Variants in CSRNP3 observed in about 807,000 individuals in gnomAD.
CSRNP3 encodes the protein cysteine and serine rich nuclear protein 3, also known as cysteine/serine-rich nuclear protein 3.
Under a neutral mutation model 48.0 loss-of-function variants are expected in CSRNP3, and 12 were observed. That is an observed-to-expected ratio of 0.25 (90% confidence interval 0.16 to 0.41). The LOEUF is 0.41. Ranked by LOEUF, CSRNP3 falls within the 10% of genes least tolerant of loss-of-function variation. The pLI, the probability that CSRNP3 is intolerant of heterozygous loss-of-function variation, is 1.00. For synonymous variants in CSRNP3, 263 were observed against 269.7 expected, an observed-to-expected ratio of 0.98 and a Z score of 0.24; for missense variants, 580 against 724.4, an observed-to-expected ratio of 0.80 and a Z score of 2.29.
intron 1 of CSRNP3, 25 bp downstream of exon 1, chr2:165,469,765 GAAAAGAGAATTCTTTTTTTCTTT>G (rs1355613506): frequency 5.6e-4 from 86 of 152,464 alleles, no homozygotes; most frequent in African/African-American, 1.9e-3. Flanking sequence ...TAAAAAAAAA[GAAAAGAGAATTCTTTTTTTCTTT>G]AAAAGAGAAT....
At chr2:165,616,230 GT>G (rs1327969801) in intron 4 of CSRNP3, among the ~76,000 whole-genome samples, 1 of 152,012 alleles carries the variant, frequency 6.6e-6, no homozygotes, top group African/African-American at 2.4e-5. Flanking sequence ...GTTTTTGATT[GT>G]TTTGTGTATA....
At chr2:165,642,280 A>G (rs1487992325) in intron 4 of CSRNP3, among the ~76,000 whole-genome samples, 1 of 152,188 alleles carries the variant, frequency 6.6e-6, no homozygotes, top group African/African-American at 2.4e-5. Context: ...AGATGCTTGC[A>G]AAGGGAAATA....
rs767603479 is a variant in CSRNP3 at position 165,679,271 on chromosome 2, G to C, written c.1276G>C (p.Ala426Pro). The change falls in exon 7 of 7, where the codon GCT becomes CCT. Residue 426 changes from alanine to proline, a missense_variant. Transcript: ENST00000651982. ...TAVHESHAKN[A>P]SFYANSSTLY... is the part of the protein sequence containing the mutation. ...CGTTCACGAAAGCCATGCAAAGAAT[G>C]CTTCTTTTTATGCCAACTCTTCAAC... 3 of 1,613,884 alleles carry C rather than the reference G, an allele frequency of 1.9e-6. No homozygotes were observed. The Admixed American group carries it at 5.0e-5, about 27-fold the overall frequency.
At chr2:165,636,359 T>G (rs1573934771) in intron 4 of CSRNP3, among the ~76,000 whole-genome samples, 2 of 152,346 alleles carry the variant, frequency 1.3e-5, no homozygotes, top group Admixed American at 1.3e-4. Flanking sequence ...ATAGATAAGA[T>G]TCTCTTTGAG....
At chr2:165,548,678 A>G (rs1321390490) in intron 3 of CSRNP3, among the ~76,000 whole-genome samples, 1 of 152,046 alleles carries the variant, frequency 6.6e-6, no homozygotes, top group Non-Finnish European at 1.5e-5. Context: ...GGAAATCATT[A>G]TGTCCTAAAA....
intron 1 of CSRNP3, among the ~76,000 whole-genome samples, chr2:165,484,673 A>G (rs1252152557): frequency 6.6e-6 from 1 of 152,152 alleles, no homozygotes; most frequent in East Asian, 1.9e-4. Flanking sequence ...GTTCATAATA[A>G]CTGTCTTTTC....
chr2:165,472,972 G>A (rs1683913840), intron 1 of CSRNP3, among the ~76,000 whole-genome samples: 1 of 152,098 alleles, frequency 6.6e-6, no homozygotes, highest in South Asian at 2.1e-4. Flanking sequence ...AAGCACTTCA[G>A]TGACAGCACT....
chr2:165,487,254 A>G (rs1360489523), intron 1 of CSRNP3, among the ~76,000 whole-genome samples: 1 of 145,512 alleles, frequency 6.9e-6, no homozygotes, highest in Non-Finnish European at 1.5e-5. Flanking sequence ...AAAAAAGAAT[A>G]AAAAGAAAGG....
Position 165,674,608 on chromosome 2 carries a change from CAT to C in CSRNP3, c.409-1690_409-1689del, listed in dbSNP as rs200779869. Among the ~76,000 whole-genome samples, 299 of 135,474 alleles carry C rather than the reference CAT, an allele frequency of 2.2e-3. 1 individual carries two copies. In the East Asian group the frequency reaches 0.026, roughly 12 times the overall value. The allele number at this position is 135,474 out of a possible 152,430, so 88.9% of individuals were successfully genotyped here. On this transcript the variant is annotated intron_variant, in intron 5 of 6. Coordinates refer to ENST00000651982, the MANE Select transcript of CSRNP3 (RefSeq NM_001172173.2). Reference sequence around the variant, plus strand: ...ATGATCACAGATTTTAACTCTGAAACATATATATATATATAAATAAAATATAT... The same window carrying C: ...ATGATCACAGATTTTAACTCTGAAACATATATATATATAAATAAAATATAT...
intron 1 of CSRNP3, among the ~76,000 whole-genome samples, chr2:165,477,473 A>T (rs1468992406): frequency 8.1e-6 from 1 of 123,750 alleles, no homozygotes; most frequent in Non-Finnish European, 1.7e-5. Flanking sequence ...ACAAATATAT[A>T]TATATATGAA....
chr2:165,485,431 T>C (rs1187060467), intron 1 of CSRNP3, among the ~76,000 whole-genome samples: 2 of 152,322 alleles, frequency 1.3e-5, no homozygotes, highest in East Asian at 3.9e-4. Context: ...AAATCAACAA[T>C]AGCTTTCAGT....
At chr2:165,552,556 C>G (rs1037663036) in intron 3 of CSRNP3, among the ~76,000 whole-genome samples, 1 of 152,064 alleles carries the variant, frequency 6.6e-6, no homozygotes, top group Non-Finnish European at 1.5e-5. Context: ...TAATCCTCAC[C>G]AACCTAAAAG....
chr2:165,605,950 C>A (rs1370357579), intron 4 of CSRNP3, among the ~76,000 whole-genome samples: 1 of 152,022 alleles, frequency 6.6e-6, no homozygotes, highest in Non-Finnish European at 1.5e-5. Context: ...ATCAGAACCA[C>A]ATTTAAATGG....
At position 165,558,686 on chromosome 2, in the gene CSRNP3, C is replaced by A. The variant is rs549837673; in HGVS notation, c.-23-36357C>A. 3.4e-4 allele frequency among the ~76,000 whole-genome samples: 52 copies of A among 152,078 alleles called. 2 individuals are homozygous for A. The highest frequency in any genetic ancestry group is 1.2e-3 in the African/African-American group (50 of 41,484). On this transcript the variant is annotated intron_variant, in intron 3 of 6. Transcript: ENST00000651982. ...ATTCCTCTTGTTTATTATGTAGCCG[C>A]AATAATTACAAATTAAAAAAATTAA...
rs1574795510 is a variant in CSRNP3, at chr2:165,482,449, G to C, written c.-282-12310G>C. On this transcript the variant is annotated intron_variant, in intron 1 of 6. Transcript: ENST00000651982. Reference sequence around the variant, plus strand: ...GGGCCAGTTTTTGTATTTTTTTGTAGAGACCAGGTTTCACCATGTTGTCCA... The same window carrying C: ...GGGCCAGTTTTTGTATTTTTTTGTACAGACCAGGTTTCACCATGTTGTCCA... Among the ~76,000 whole-genome samples the C allele has an allele frequency of 2.0e-5, 3 of 152,098 alleles. No homozygotes were observed. The South Asian group carries it at 6.2e-4, about 32-fold the overall frequency.
At chr2:165,485,093 G>A (rs1307793552) in intron 1 of CSRNP3, among the ~76,000 whole-genome samples, 2 of 152,102 alleles carry the variant, frequency 1.3e-5, no homozygotes, top group Admixed American at 1.3e-4. Context: ...ATTTCTCACA[G>A]TTCTGGAGGG....
rs1687274030 is a variant in CSRNP3, at chr2:165,668,525, C to T, written c.409-7787C>T. On this transcript the variant is annotated intron_variant, in intron 5 of 6. Coordinates refer to ENST00000651982, the MANE Select transcript of CSRNP3 (RefSeq NM_001172173.2). ...CAAGCAATTCCCTTGCCTCAGCTTC[C>T]CAAATACCTGGGACTGCAGGTGCCT... is the stretch of plus-strand genomic sequence containing the variant. Among the ~76,000 whole-genome samples, 3 of 151,586 alleles carry T rather than the reference C, an allele frequency of 2.0e-5. No individual in the cohort carries two copies. In the South Asian group the frequency reaches 6.2e-4, roughly 32 times the overall value.
intron 2 of CSRNP3, among the ~76,000 whole-genome samples, chr2:165,511,903 A>C (rs1400069930): frequency 6.6e-6 from 1 of 152,138 alleles, no homozygotes; most frequent in Admixed American, 6.5e-5. Flanking sequence ...CAGGAGGAGA[A>C]CTGAATTTAA....
chr2:165,594,196 C>T (rs1187021507), intron 3 of CSRNP3, among the ~76,000 whole-genome samples: 10 of 152,056 alleles, frequency 6.6e-5, no homozygotes, highest in Admixed American at 6.6e-4. Flanking sequence ...AAATACTGTA[C>T]TTTCAGTTAA....
Sources: gnomAD v4.1 joint callset for allele counts (sites outside exome capture counted in the v4.1 genomes callset) on GRCh38, gnomAD v4.1.1 for gene constraint, MANE v1.5 for transcripts, NCBI Gene and HGNC (gene_info 2026-07-23, HGNC 2026-07-21) for gene names.